Variants in TPD52 observed in about 807,000 individuals in gnomAD.
TPD52 encodes tumor protein D52, also known as prostate and colon associated protein.
Under a neutral mutation model 31.3 loss-of-function variants are expected in TPD52, and 17 were observed. That is an observed-to-expected ratio of 0.54 (90% CI 0.37 to 0.82). The LOEUF (loss-of-function observed/expected upper bound fraction) is 0.82. Among genes scored for constraint, TPD52 ranks in the 40% least tolerant of loss-of-function variants. The pLI, the probability that TPD52 is intolerant of heterozygous loss-of-function variation, is 0.00. For missense variants in TPD52, 212 were observed against 240.1 expected (o/e 0.88, Z 0.77); for synonymous variants, 83 against 89.6 (o/e 0.93, Z 0.42).
At chr8:80,100,701 G>A (rs1806665930) in intron 1 of TPD52, among the ~76,000 whole-genome samples, 1 of 152,228 alleles carries the variant, frequency 6.6e-6, no homozygotes, top group South Asian at 2.1e-4. Context: ...TGGAGACCCA[G>A]AAGAAACTGT....
intron 2 of TPD52, among the ~76,000 whole-genome samples, chr8:80,062,296 C>T (rs2130661829): frequency 6.6e-6 from 1 of 152,096 alleles, no homozygotes; most frequent in East Asian, 1.9e-4. Flanking sequence ...TCTTTTTTAA[C>T]AAGGATGCCA....
chr8:80,038,928 G>T (rs2130344634), intron 7 of TPD52, among the ~76,000 whole-genome samples: 1 of 152,298 alleles, frequency 6.6e-6, no homozygotes, highest in South Asian at 2.1e-4. Context: ...TATCTGCCTT[G>T]CATTTGTATA....
At chr8:80,097,314 G>A (rs536312541) in intron 1 of TPD52, among the ~76,000 whole-genome samples, 1 of 152,362 alleles carries the variant, frequency 6.6e-6, no homozygotes, top group Non-Finnish European at 1.5e-5. Context: ...AGGTGAAGCA[G>A]CAAGTGCTGA....
chr8:80,034,214 C>T (rs558151528), downstream of TPD52, among the ~76,000 whole-genome samples: 23 of 152,236 alleles, frequency 1.5e-4, no homozygotes, highest in South Asian at 4.4e-3. Flanking sequence ...AACTTTGCTC[C>T]GAACTGGAGC....
intron 1 of TPD52, among the ~76,000 whole-genome samples, chr8:80,142,933 G>C (rs1809937153): frequency 6.6e-6 from 1 of 152,140 alleles, no homozygotes; most frequent in Non-Finnish European, 1.5e-5. Flanking sequence ...CACACTCAGG[G>C]GAAGTGAGGT....
intron 1 of TPD52, among the ~76,000 whole-genome samples, chr8:80,104,958 G>A (rs1446323055): frequency 1.3e-5 from 2 of 152,038 alleles, no homozygotes; most frequent in African/African-American, 4.8e-5. Context: ...TACTTGGGTG[G>A]CTGAGGTAGG....
intron 1 of TPD52, among the ~76,000 whole-genome samples, chr8:80,073,862 T>C (rs1814213493): frequency 6.6e-6 from 1 of 152,216 alleles, no homozygotes. Flanking sequence ...TTGTCACTTT[T>C]GGGGGCAGGT....
rs1424472050 is a variant in TPD52, at chr8:80,042,519, A to G, written c.504+101T>C. 3.9e-6 allele frequency: 6 copies of G among 1,522,754 alleles called. No individual in the cohort carries two copies. In the African/African-American group the frequency reaches 8.4e-5, roughly 21 times the overall value. The allele number at this position is 1,522,754 out of a possible 1,614,324, so 94.3% of individuals were successfully genotyped here. A position where few individuals can be genotyped will look rare whatever the true frequency, so the allele number is the denominator to read the frequency against. On this transcript the variant is annotated intron_variant, in intron 7 of 7. Transcript: ENST00000518937. ...GTAAAGTTATTTACATTCTTTAGAT[A>G]TTTTTAGAAAGAAATATTAATGTCA...
intron 1 of TPD52, among the ~76,000 whole-genome samples, chr8:80,129,737 T>C (rs1391452643): frequency 7.4e-6 from 1 of 135,348 alleles, no homozygotes; most frequent in Non-Finnish European, 1.5e-5. Context: ...GGAGTCTCCA[T>C]CACCCAGGCT....
chr8:80,096,349 C>T (rs1816741909), intron 1 of TPD52, among the ~76,000 whole-genome samples: 1 of 151,856 alleles, frequency 6.6e-6, no homozygotes, highest in Non-Finnish European at 1.5e-5. Flanking sequence ...GGGTAAAATA[C>T]TCAAGCACCA....
At chr8:80,140,164 C>T (rs1809727984) in intron 1 of TPD52, among the ~76,000 whole-genome samples, 1 of 152,170 alleles carries the variant, frequency 6.6e-6, no homozygotes, top group Admixed American at 6.5e-5. Context: ...GAACGTGAGA[C>T]CTCACTAAGG....
intron 1 of TPD52, among the ~76,000 whole-genome samples, chr8:80,128,440 A>G (rs992880284): frequency 7.3e-6 from 1 of 137,258 alleles, no homozygotes; most frequent in Non-Finnish European, 1.5e-5. Flanking sequence ...AGACTGCTTG[A>G]GCTCAGGAGT....
intron 1 of TPD52, among the ~76,000 whole-genome samples, chr8:80,134,564 T>A (rs560225824): frequency 6.6e-6 from 1 of 152,236 alleles, no homozygotes; most frequent in Non-Finnish European, 1.5e-5. Flanking sequence ...AAAAGGACCA[T>A]ATCTGTGCCC....
At chr8:80,047,185 A>G (rs1051809300) in intron 5 of TPD52, among the ~76,000 whole-genome samples, 1 of 152,176 alleles carries the variant, frequency 6.6e-6, no homozygotes. Context: ...CTCCAGGACT[A>G]GGTGTGCTCG....
chr8:80,126,844 G>T (rs1388390771), intron 1 of TPD52, among the ~76,000 whole-genome samples: 1 of 152,042 alleles, frequency 6.6e-6, no homozygotes, highest in Non-Finnish European at 1.5e-5. Flanking sequence ...AGCATATCAG[G>T]CAGGGCACAA....
chr8:80,138,282 C>T (rs913777360), intron 1 of TPD52, among the ~76,000 whole-genome samples: 4 of 152,098 alleles, frequency 2.6e-5, no homozygotes, highest in African/African-American at 9.7e-5. Context: ...TAGAAGTCTG[C>T]GTTAAAAGGT....
At chr8:80,085,458 T>C (rs568305846) in intron 1 of TPD52, among the ~76,000 whole-genome samples, 2 of 152,100 alleles carry the variant, frequency 1.3e-5, no homozygotes, top group Non-Finnish European at 2.9e-5. Context: ...AACACAATAT[T>C]TACTTGGAGG....
intron 1 of TPD52, among the ~76,000 whole-genome samples, chr8:80,142,953 T>C (rs377449902): frequency 6.6e-6 from 1 of 152,094 alleles, no homozygotes; most frequent in South Asian, 2.1e-4. Flanking sequence ...TAAAAGTAGG[T>C]AGTTCACCAA....
intron 1 of TPD52, among the ~76,000 whole-genome samples, chr8:80,139,200 G>A (rs973276650): frequency 4.6e-5 from 7 of 152,092 alleles, no homozygotes; most frequent in Non-Finnish European, 8.8e-5. Context: ...AGAAAATAAG[G>A]GTATTTTTAC....
Sources: gnomAD v4.1 joint callset for allele counts (sites outside exome capture counted in the v4.1 genomes callset) on GRCh38, gnomAD v4.1.1 for gene constraint, MANE v1.5 for transcripts, NCBI Gene and HGNC (gene_info 2026-07-23, HGNC 2026-07-21) for gene names.